PALB2: variants seen among roughly 807,000 people sequenced by gnomAD.
PALB2 encodes mutant partner and localizer of BRCA2.
In PALB2, 82 loss-of-function variants were observed where a neutral mutation model predicts 107.4. That is an observed-to-expected ratio of 0.76 (90% CI 0.64 to 0.92). The LOEUF is 0.92. Among genes scored for constraint, PALB2 ranks in the 40% least tolerant of loss-of-function variants. PALB2 has a pLI of 0.00. For synonymous variants in PALB2, 489 were observed against 496.8 expected (o/e 0.98, Z 0.21); for missense variants, 1,374 against 1,379.9 (o/e 1.00, Z 0.07).
chr16:23,636,073 T>C lies in PALB2; in HGVS notation c.473A>G (p.Gln158Arg), dbSNP rs1349641343. ...KKQQKRTFIS[Q>R]ERDCVFGTDS... Reference sequence around the variant, plus strand: ...AGTGCCAAAGACACAGTCTCTCTCCTGTGAAATAAATGTCCTCTTCTGCTG... The same window carrying C: ...AGTGCCAAAGACACAGTCTCTCTCCCGTGAAATAAATGTCCTCTTCTGCTG... The change falls in exon 4 of 13, where the codon CAG (glutamine) becomes CGG (arginine). Residue 158 changes from glutamine to arginine, a missense_variant. Transcript: ENST00000261584. The C allele has an allele frequency of 1.9e-6, 3 of 1,614,084 alleles. No homozygotes were observed. In the Admixed American group the frequency reaches 5.0e-5, roughly 27 times the overall value.
intron 5 of PALB2, 45 bp from the exon 6 acceptor site, chr16:23,629,320 ATGTCTGCC>A: frequency 6.6e-7 from 1 of 1,512,214 alleles, no homozygotes; most frequent in Non-Finnish European, 9.2e-7. Flanking sequence ...TTTATGTATA[ATGTCTGCC>A]TGCATTACCC....
intron 1 of PALB2, 49 bp from the exon 2 acceptor site, chr16:23,638,178 T>A (rs2142461849): frequency 6.6e-7 from 1 of 1,510,680 alleles, no homozygotes; most frequent in East Asian, 2.3e-5. Context: ...AAAGGTGGAG[T>A]CAGAGGGAAG....
chr16:23,613,593 G>A (rs1217230491), intron 11 of PALB2, among the ~76,000 whole-genome samples: 3 of 151,724 alleles, frequency 2.0e-5, no homozygotes, highest in African/African-American at 4.8e-5. Flanking sequence ...GCAGTGAGCT[G>A]AGATCGCGCC....
At chr16:23,638,195 A>G (rs1967115129) in intron 1 of PALB2, 66 bp from the exon 2 acceptor site, 1 of 1,344,438 alleles carries the variant, frequency 7.4e-7, no homozygotes, top group Non-Finnish European at 1.1e-6. Flanking sequence ...GAAGGGATGC[A>G]GTGCTTGGCG....
chr16:23,612,216 TTTTA>T (rs779025217), intron 11 of PALB2, among the ~76,000 whole-genome samples: 2 of 152,022 alleles, frequency 1.3e-5, no homozygotes, highest in African/African-American at 2.4e-5. Context: ...AGTCAAGGCT[TTTTA>T]TTTATTTATT....
At chr16:23,608,792 G>GTATATA (rs141158117) in intron 11 of PALB2, among the ~76,000 whole-genome samples, 25 of 145,920 alleles carry the variant, frequency 1.7e-4, no homozygotes, top group South Asian at 4.3e-4. Flanking sequence ...CTGTATGTGT[G>GTATATA]TATATATATA....
At chr16:23,640,428 C>T in intron 1 of PALB2, 1 of 202,954 alleles carries the variant, frequency 4.9e-6, no homozygotes, top group East Asian at 7.6e-5. Flanking sequence ...CGCTTGATCC[C>T]AGGAAGCGGA....
intron 12 of PALB2, 112 bp from the exon 13 acceptor site, chr16:23,603,781 T>C (rs1966410666): frequency 2.1e-6 from 2 of 938,218 alleles, no homozygotes; most frequent in South Asian, 3.0e-5. Flanking sequence ...CAAAAATCCC[T>C]GTAACTATGA....
At chr16:23,608,158 T>C (rs991258102) in intron 11 of PALB2, 146 bp from the exon 12 acceptor site, 238 of 861,598 alleles carry the variant, frequency 2.8e-4, no homozygotes, top group Middle Eastern at 1.7e-3. Flanking sequence ...TGGCTTGATT[T>C]TTTTCCCTGC....
At chr16:23,633,712 G>T (rs752735617) in intron 4 of PALB2, among the ~76,000 whole-genome samples, 8 of 150,536 alleles carry the variant, frequency 5.3e-5, no homozygotes, top group African/African-American at 1.5e-4. Flanking sequence ...TCTTAGTCTT[G>T]TTTTTTTTTG....
intron 10 of PALB2, among the ~76,000 whole-genome samples, chr16:23,618,473 G>A (rs1055139176): frequency 4.6e-5 from 7 of 152,088 alleles, no homozygotes; most frequent in Non-Finnish European, 7.3e-5. Flanking sequence ...CTAGAGCACC[G>A]GGGAAATAAA....
At position 23,622,971 on chromosome 16, in the gene PALB2, T is replaced by G; in HGVS notation, c.2994A>C (p.Gly998=). 6.2e-7 allele frequency: 1 copy of G among 1,614,114 alleles called. No individual in the cohort carries two copies. Among genetic ancestry groups the G allele is most frequent in the Non-Finnish European group, 8.5e-7 (1 of 1,179,998 alleles). Reference sequence around the variant, plus strand: ...AAATCAATCAATGCTTTTCTTACCCTCCATCTTCTGCAAACGTCATGACTT... The same window carrying G: ...AAATCAATCAATGCTTTTCTTACCCGCCATCTTCTGCAAACGTCATGACTT... ...QVEVMTFAED[G]GGKENQFLMP... Residue 998 remains glycine, a splice_region_variant and synonymous_variant, in exon 9 of 13, where the codon GGA becomes GGC. Coordinates refer to ENST00000261584, the MANE Select transcript of PALB2 (RefSeq NM_024675.4).
intron 10 of PALB2, 138 bp from the exon 11 acceptor site, chr16:23,614,229 T>C: frequency 4.6e-6 from 3 of 655,380 alleles, no homozygotes; most frequent in South Asian, 3.5e-5. Flanking sequence ...TCTTTAGTCA[T>C]AGATTTAGGT....
chr16:23,641,021 C>G, intron 1 of PALB2, 89 bp downstream of exon 1: 2 of 1,481,436 alleles, frequency 1.4e-6, no homozygotes, highest in Non-Finnish European at 1.9e-6. Flanking sequence ...TACTGCTGCC[C>G]TCGGACTGCC....
intron 6 of PALB2, 113 bp from the exon 7 acceptor site, chr16:23,626,510 T>G (rs1966843148): frequency 3.8e-6 from 5 of 1,305,376 alleles, no homozygotes. Context: ...TATGTAAAAT[T>G]TAAGTCTTAT....
intron 3 of PALB2, 114 bp downstream of exon 3, chr16:23,637,736 A>G: frequency 1.3e-6 from 1 of 765,596 alleles, no homozygotes; most frequent in South Asian, 1.6e-5. Flanking sequence ...TAAAATTAAA[A>G]TTAAAGCGTC....
chr16:23,630,545 A>G, intron 4 of PALB2, 76 bp from the exon 5 acceptor site: 1 of 1,149,926 alleles, frequency 8.7e-7, no homozygotes, highest in Admixed American at 2.1e-5. Flanking sequence ...GATGACAAAG[A>G]GAATAGGATC....
intron 8 of PALB2, 70 bp from the exon 9 acceptor site, chr16:23,623,200 CTTTTTTTT>C: frequency 1.0e-5 from 8 of 781,356 alleles, no homozygotes; most frequent in South Asian, 1.8e-5. Context: ...ACTAGGTTCA[CTTTTTTTT>C]TTTTTTTTTT....
intron 11 of PALB2, among the ~76,000 whole-genome samples, chr16:23,612,958 G>A (rs1966614320): frequency 6.6e-6 from 1 of 151,020 alleles, no homozygotes; most frequent in Non-Finnish European, 1.5e-5. Context: ...TCACCATATT[G>A]GTCAGGCTGG....
Sources: allele counts gnomAD v4.1 joint callset (sites outside exome capture counted in the v4.1 genomes callset), GRCh38; gene constraint gnomAD v4.1.1; transcripts MANE v1.5; gene names NCBI Gene and HGNC (gene_info 2026-07-23, HGNC 2026-07-21).